The following DISC1 variants were observed in gnomAD, a reference collection of about 807,000 sequenced individuals.
DISC1 encodes disrupted in schizophrenia 1 protein.
DISC1 carries 57 observed loss-of-function variants against 84.5 expected under a neutral mutation model. The ratio of observed to expected loss-of-function variants is 0.67; its 90% CI spans 0.55 to 0.84. DISC1 has a LOEUF of 0.84. Ranked by LOEUF, DISC1 falls within the 40% of genes least tolerant of loss-of-function variation. DISC1 has a pLI of 0.00. For missense variants in DISC1, 1,000 were observed against 1,057.8 expected (o/e 0.95, Z 0.76); for synonymous variants, 411 against 415.2 (o/e 0.99, Z 0.12).
intron 10 of DISC1, chr1:231,959,457 A>G (rs1019050648): frequency 2.0e-6 from 2 of 985,650 alleles, no homozygotes; most frequent in Admixed American, 6.1e-5. Flanking sequence ...CAGTCATCAG[A>G]ATCTGTTCCT....
chr1:231,846,979 G>C (rs11810076), intron 9 of DISC1, among the ~76,000 whole-genome samples: 159 of 152,314 alleles, frequency 1.0e-3, no homozygotes, highest in African/African-American at 3.7e-3. Context: ...AGAAGTACAG[G>C]AGAATTTGCT....
intron 9 of DISC1, among the ~76,000 whole-genome samples, chr1:231,910,881 T>C (rs2089140917): frequency 6.6e-6 from 1 of 152,222 alleles, no homozygotes; most frequent in Non-Finnish European, 1.5e-5. Flanking sequence ...CATATATATT[T>C]AGGATAGTTA....
chr1:231,840,287 A>T (rs1170454369), intron 9 of DISC1, among the ~76,000 whole-genome samples: 2 of 152,192 alleles, frequency 1.3e-5, no homozygotes, highest in Non-Finnish European at 2.9e-5. Context: ...GTGACCTGGC[A>T]ATTCCACTCC....
At chr1:231,851,178 A>G (rs2083871431) in intron 9 of DISC1, among the ~76,000 whole-genome samples, 1 of 152,232 alleles carries the variant, frequency 6.6e-6, no homozygotes, top group Non-Finnish European at 1.5e-5. Context: ...CATCTGTGGC[A>G]TGTGGATGAC....
chr1:231,880,107 A>T (rs1270241714), intron 9 of DISC1, among the ~76,000 whole-genome samples: 2 of 152,188 alleles, frequency 1.3e-5, no homozygotes, highest in Non-Finnish European at 2.9e-5. Flanking sequence ...TAATCTATTC[A>T]TGAAATAATG....
chr1:232,026,884 G>C (rs945811033), intron 12 of DISC1, among the ~76,000 whole-genome samples: 29 of 150,610 alleles, frequency 1.9e-4, no homozygotes, highest in Admixed American at 8.6e-4. Flanking sequence ...GAGTAGCTGG[G>C]ATTACAGGTG....
chr1:231,784,355 GTAGCATCC>G (rs1283031376), intron 6 of DISC1, among the ~76,000 whole-genome samples: 1 of 152,150 alleles, frequency 6.6e-6, no homozygotes, highest in East Asian at 1.9e-4. Context: ...ATATCAGAGT[GTAGCATCC>G]TAGTGGAAGA....
At chr1:231,950,738 G>A (rs1658215625) in intron 9 of DISC1, among the ~76,000 whole-genome samples, 1 of 152,182 alleles carries the variant, frequency 6.6e-6, no homozygotes. Context: ...CTAGTGACAG[G>A]CACAGCAGGT....
chr1:231,782,384 A>G (rs1310463254), intron 6 of DISC1, among the ~76,000 whole-genome samples: 1 of 152,170 alleles, frequency 6.6e-6, no homozygotes, highest in Non-Finnish European at 1.5e-5. Context: ...CAGTTTTAGG[A>G]ATCAGGCTGA....
chr1:231,699,292 C>T (rs970899184), intron 2 of DISC1, among the ~76,000 whole-genome samples: 27 of 152,284 alleles, frequency 1.8e-4, no homozygotes, highest in African/African-American at 6.3e-4. Flanking sequence ...TACTAGCATC[C>T]TATACATGGA....
chr1:231,997,688 A>G (rs1237474793), intron 10 of DISC1, among the ~76,000 whole-genome samples: 2 of 152,026 alleles, frequency 1.3e-5, no homozygotes, highest in African/African-American at 4.8e-5. Context: ...CTGTTCCCCA[A>G]GGGGTAGGTA....
At chr1:231,788,100 T>C (rs1362166160) in intron 6 of DISC1, among the ~76,000 whole-genome samples, 6 of 152,152 alleles carry the variant, frequency 3.9e-5, no homozygotes, top group Non-Finnish European at 8.8e-5. Context: ...CTGGATAATA[T>C]GGTGAAACCC....
Position 231,942,986 on chromosome 1 carries a change from C to T in DISC1, c.1982-15842C>T, listed in dbSNP as rs182651950. Among the ~76,000 whole-genome samples the T allele has an allele frequency of 3.0e-3, 460 of 152,342 alleles. 5 individuals carry two copies. The highest frequency in any genetic ancestry group is 0.011 in the African/African-American group (450 of 41,572). ...CATGCTCGTAGCTAAGAAGGCTTGCCTTTTTCTCTTCCTTTGTCCATTTTA... is the reference window on the plus strand; with the variant it reads ...CATGCTCGTAGCTAAGAAGGCTTGCTTTTTTCTCTTCCTTTGTCCATTTTA... On this transcript the variant is annotated intron_variant, in intron 9 of 12. Coordinates refer to ENST00000439617, the MANE Select transcript of DISC1 (RefSeq NM_018662.3).
chr1:231,795,432 A>G (rs1007685372), intron 7 of DISC1, 136 bp downstream of exon 7: 54 of 740,744 alleles, frequency 7.3e-5, no homozygotes, highest in African/African-American at 3.0e-4. Context: ...TGCAGGCCCA[A>G]TGATGAGTTA....
rs980896703 is a variant in DISC1, at chr1:231,723,543, T to C, written c.1117+21519T>C. ...ATCAAAGGTTAAATTTCATATAGCA[T>C]GTCTGTTATATCAGACTTCTCTGAT... On this transcript the variant is annotated intron_variant, in intron 3 of 12. Transcript: ENST00000439617. 2.5e-5 allele frequency: 25 copies of C among 985,378 alleles called. No individual in the cohort carries two copies. In the African/African-American group the frequency reaches 4.4e-4, roughly 17 times the overall value. 61.0% of individuals were successfully genotyped at this position (985,378 alleles called of 1,614,324 possible).
chr1:231,725,349 G>A (rs570555546), intron 3 of DISC1, among the ~76,000 whole-genome samples: 2 of 152,316 alleles, frequency 1.3e-5, no homozygotes, highest in East Asian at 3.9e-4. Context: ...ACGCAAACCA[G>A]CAGATGGCGA....
chr1:231,948,539 G>A (rs1657695502), intron 9 of DISC1, among the ~76,000 whole-genome samples: 1 of 151,974 alleles, frequency 6.6e-6, no homozygotes, highest in Non-Finnish European at 1.5e-5. Flanking sequence ...AAACACCGTG[G>A]CACGTGTATA....
intron 9 of DISC1, among the ~76,000 whole-genome samples, chr1:231,883,014 G>A (rs1031716545): frequency 3.3e-5 from 5 of 151,858 alleles, no homozygotes; most frequent in Non-Finnish European, 7.4e-5. Context: ...AGGCTCATTC[G>A]TCACTCAGTG....
intron 1 of DISC1, among the ~76,000 whole-genome samples, chr1:231,639,516 A>T (rs1209652052): frequency 6.6e-6 from 1 of 152,204 alleles, no homozygotes; most frequent in Non-Finnish European, 1.5e-5. Flanking sequence ...AACTCACTTA[A>T]ATTGTGATCA....
Sources: allele counts gnomAD v4.1 joint callset (sites outside exome capture counted in the v4.1 genomes callset), GRCh38; gene constraint gnomAD v4.1.1; transcripts MANE v1.5; gene names NCBI Gene and HGNC (gene_info 2026-07-23, HGNC 2026-07-21).